The following PHAX variants were observed in gnomAD, a reference collection of about 807,000 sequenced individuals.
PHAX encodes phosphorylated adapter RNA export protein.
A neutral mutation model predicts 41.6 loss-of-function variants in PHAX; 31 were observed. The observed-to-expected ratio is 0.75, with a 90% confidence interval of 0.56 to 1.01. The LOEUF is 1.01. Among genes scored for constraint, PHAX ranks in the 50% least tolerant of loss-of-function variants. The pLI is 0.00. For missense variants in PHAX, 453 were observed against 472.9 expected (o/e 0.96, Z 0.39); for synonymous variants, 175 against 164.9 (o/e 1.06, Z -0.47).
intron 4 of PHAX, among the ~76,000 whole-genome samples, chr5:126,617,943 C>A (rs1752213796): frequency 6.6e-6 from 1 of 151,880 alleles, no homozygotes; most frequent in South Asian, 2.1e-4. Context: ...TTCTCTATTT[C>A]TTTCTTTCTT....
chr5:126,616,660 G>A (rs577037391), intron 3 of PHAX, among the ~76,000 whole-genome samples: 9 of 151,752 alleles, frequency 5.9e-5, no homozygotes, highest in Non-Finnish European at 7.4e-5. Flanking sequence ...CGGGCAGATC[G>A]CCTGAGGTCA....
chr5:126,602,861 T>C (rs13177890), intron 1 of PHAX, among the ~76,000 whole-genome samples: 50,420 of 151,788 alleles, frequency 0.33, 11,264 homozygotes, highest in African/African-American at 0.62. Context: ...AAAAATTAGC[T>C]GGGCGTGGTG....
At chr5:126,605,783 A>T (rs1439596990) in intron 2 of PHAX, among the ~76,000 whole-genome samples, 1 of 152,198 alleles carries the variant, frequency 6.6e-6, no homozygotes, top group East Asian at 1.9e-4. Context: ...AGTGCCATAG[A>T]GCTTTTTAAA....
intron 3 of PHAX, among the ~76,000 whole-genome samples, chr5:126,615,982 A>G (rs2112835370): frequency 6.6e-6 from 1 of 152,014 alleles, no homozygotes; most frequent in South Asian, 2.1e-4. Context: ...ATCTTGGTAT[A>G]AGACATGAGG....
intron 4 of PHAX, among the ~76,000 whole-genome samples, chr5:126,620,766 G>GTC (rs1752256396): frequency 6.6e-6 from 1 of 152,038 alleles, no homozygotes; most frequent in African/African-American, 2.4e-5. Flanking sequence ...TTGAGACAGA[G>GTC]TCTCACTCTG....
intron 3 of PHAX, among the ~76,000 whole-genome samples, chr5:126,612,455 T>G (rs1752117109): frequency 6.6e-6 from 1 of 152,152 alleles, no homozygotes; most frequent in Admixed American, 6.6e-5. Flanking sequence ...ATCCCACCAC[T>G]TTGGGAGACC....
intron 3 of PHAX, among the ~76,000 whole-genome samples, chr5:126,616,255 G>C (rs957266587): frequency 5.3e-5 from 8 of 152,054 alleles, no homozygotes; most frequent in African/African-American, 1.9e-4. Flanking sequence ...ACCATGCCCA[G>C]CTAATTTTTG....
chr5:126,615,941 T>C (rs1752177116), intron 3 of PHAX, among the ~76,000 whole-genome samples: 1 of 152,066 alleles, frequency 6.6e-6, no homozygotes, highest in Admixed American at 6.6e-5. Flanking sequence ...ATTATATATA[T>C]ACATTTAAAT....
chr5:126,624,837 T>A lies in PHAX; in HGVS notation c.1178T>A (p.Ile393Asn). 1 of 1,603,240 alleles carries A rather than the reference T, an allele frequency of 6.2e-7. No homozygotes were observed. The highest frequency in any genetic ancestry group is 1.1e-5 in the South Asian group (1 of 88,354). ...GTTGATCATTCTCATGATTTGGACA[T>A]CTTTTAAGTACATTTTCAACAGTTT... is the stretch of plus-strand genomic sequence containing the variant. The part of the protein sequence containing the change: ...IEVDHSHDLD[I>N]F Residue 393 changes from isoleucine to asparagine, a missense_variant, in exon 5 of 5, where the codon ATC becomes AAC. Ile to Asn is a moderately radical substitution (Grantham distance 149). Transcript: ENST00000297540.
intron 4 of PHAX, among the ~76,000 whole-genome samples, chr5:126,618,662 T>TA (rs1752223857): frequency 6.9e-6 from 1 of 145,126 alleles, no homozygotes; most frequent in Admixed American, 7.0e-5. Flanking sequence ...AGTCTTTTTT[T>TA]AAAAACTGTT....
rs1288422983 is a variant in PHAX, at chr5:126,625,081, T to A, written c.*237T>A. On this transcript the variant is annotated 3_prime_UTR_variant, in exon 5 of 5. Coordinates refer to ENST00000297540, the MANE Select transcript of PHAX (RefSeq NM_032177.4). ...ATTTAATTTCTCAATCTGTTGCATG[T>A]GCTAATTATGAGTATTACTAGTTGA... is the stretch of plus-strand genomic sequence containing the variant. 5 of 463,762 alleles carry A rather than the reference T, an allele frequency of 1.1e-5. No individual in the cohort carries two copies. Among genetic ancestry groups the A allele is most frequent in the South Asian group, 6.9e-5 (2 of 28,930 alleles). 28.7% of individuals were successfully genotyped at this position (463,762 alleles called of 1,614,324 possible).
chr5:126,617,200 C>A, intron 3 of PHAX, 50 bp from the exon 4 acceptor site: 2 of 1,160,444 alleles, frequency 1.7e-6, no homozygotes, highest in South Asian at 1.3e-5. Context: ...ATGCCTTGAC[C>A]ATTTATGGGA....
intron 2 of PHAX, 115 bp downstream of exon 2, chr5:126,604,298 A>G (rs1751956522): frequency 9.4e-6 from 7 of 741,620 alleles, no homozygotes; most frequent in Non-Finnish European, 1.3e-5. Flanking sequence ...TTTTTTGGAG[A>G]CAGGGTCTTG....
At chr5:126,607,241 G>A (rs1473776291) in intron 2 of PHAX, among the ~76,000 whole-genome samples, 1 of 152,126 alleles carries the variant, frequency 6.6e-6, no homozygotes, top group Non-Finnish European at 1.5e-5. Flanking sequence ...AAGAAACTTA[G>A]AGATGTTGTA....
intron 3 of PHAX, among the ~76,000 whole-genome samples, chr5:126,610,902 T>C (rs1363265202): frequency 6.6e-6 from 1 of 152,178 alleles, no homozygotes; most frequent in Non-Finnish European, 1.5e-5. Context: ...AGATGGAGTT[T>C]TACCATGTTG....
chr5:126,605,288 G>C (rs1751971439), intron 2 of PHAX, among the ~76,000 whole-genome samples: 1 of 152,018 alleles, frequency 6.6e-6, no homozygotes, highest in African/African-American at 2.4e-5. Flanking sequence ...CAACTTCCCA[G>C]ATTGCTGGGA....
chr5:126,619,479 C>T (rs529253067), intron 4 of PHAX, among the ~76,000 whole-genome samples: 1 of 151,220 alleles, frequency 6.6e-6, no homozygotes, highest in Non-Finnish European at 1.5e-5. Context: ...GGGAGGCTGA[C>T]GTAGGAGAAT....
intron 1 of PHAX, among the ~76,000 whole-genome samples, 160 bp downstream of exon 1, chr5:126,601,218 G>A (rs529444926): frequency 1.3e-5 from 2 of 152,164 alleles, no homozygotes; most frequent in East Asian, 1.9e-4. Flanking sequence ...GGGGCGAGCA[G>A]ACGTCCCCCA....
At chr5:126,602,836 C>T (rs1038328824) in intron 1 of PHAX, among the ~76,000 whole-genome samples, 25 of 152,006 alleles carry the variant, frequency 1.6e-4, no homozygotes, top group Non-Finnish European at 3.4e-4. Context: ...AACCCCCTCT[C>T]TACTAAAAAT....
Sources: gnomAD v4.1 joint callset for allele counts (sites outside exome capture counted in the v4.1 genomes callset) on GRCh38, gnomAD v4.1.1 for gene constraint, MANE v1.5 for transcripts, NCBI Gene and HGNC (gene_info 2026-07-23, HGNC 2026-07-21) for gene names.